The following CNTNAP4 variants were observed in gnomAD, a reference collection of about 807,000 sequenced individuals.
CNTNAP4 encodes contactin-associated protein-like 4.
A neutral mutation model predicts 148.4 loss-of-function variants in CNTNAP4; 98 were observed. The observed-to-expected ratio is 0.66, with a 90% confidence interval of 0.56 to 0.78. The LOEUF (loss-of-function observed/expected upper bound fraction) is 0.78. CNTNAP4 is among the 30% of genes least tolerant of loss of function. The pLI is 0.00. For synonymous variants in CNTNAP4, 730 were observed against 565.1 expected (o/e 1.29, Z -4.14); for missense variants, 1,935 against 1,565.6 (o/e 1.24, Z -3.98).
At position 76,470,482 on chromosome 16, in the gene CNTNAP4, A is replaced by ATATATATATATATATATATATAT. The variant is rs146482811; in HGVS notation, c.1655+2959_1655+2960insTATATATATATATATATATATAT. Among the ~76,000 whole-genome samples the ATATATATATATATATATATATAT allele has an allele frequency of 1.5e-3, 146 of 96,958 alleles. 10 individuals are homozygous for ATATATATATATATATATATATAT. The highest frequency in any genetic ancestry group is 7.2e-3 in the Admixed American group (74 of 10,274). The allele number at this position is 96,958 out of a possible 152,430, so 63.6% of individuals were successfully genotyped here. ...ATAGCAAAACCACGTCTCTACTAAT[A>ATATATATATATATATATATATAT]ATATATATATATATAAAATTAGTCG... On this transcript the variant is annotated intron_variant, in intron 10 of 23. Coordinates refer to ENST00000611870, the MANE Select transcript of CNTNAP4 (RefSeq NM_033401.5).
intron 3 of CNTNAP4, among the ~76,000 whole-genome samples, chr16:76,404,041 T>C (rs2078512225): frequency 6.6e-6 from 1 of 152,008 alleles, no homozygotes; most frequent in African/African-American, 2.4e-5. Flanking sequence ...TGGGGCTTAC[T>C]TGAGAGTGGA....
chr16:76,277,578 CAG>C lies in CNTNAP4; in HGVS notation c.-82_-81del, dbSNP rs1958523076. On this transcript the variant is annotated 5_prime_UTR_variant, in exon 1 of 24. Coordinates refer to ENST00000611870, the MANE Select transcript of CNTNAP4 (RefSeq NM_033401.5). ...GACCTAGAGGGGCTGAAGACCCAGACAGAGCTGGCAGAGCTACTGAGAAGAGG... is the reference window on the plus strand; with the variant it reads ...GACCTAGAGGGGCTGAAGACCCAGACAGCTGGCAGAGCTACTGAGAAGAGG... 7 of 872,672 alleles carry C rather than the reference CAG, an allele frequency of 8.0e-6. No homozygotes were observed. The highest frequency in any genetic ancestry group is 1.3e-5 in the Non-Finnish European group (7 of 536,230). The allele number at this position is 872,672 out of a possible 1,614,324, so 54.1% of individuals were successfully genotyped here. A position where few individuals can be genotyped will look rare whatever the true frequency, so the allele number is the denominator to read the frequency against.
At chr16:76,542,621 A>G (rs1394138226) in intron 21 of CNTNAP4, among the ~76,000 whole-genome samples, 6 of 152,134 alleles carry the variant, frequency 3.9e-5, no homozygotes, top group African/African-American at 9.7e-5. Flanking sequence ...TGGAGCCCCA[A>G]CCTCTGCAAT....
intron 14 of CNTNAP4, 36 bp downstream of exon 14, chr16:76,495,102 T>G: frequency 6.2e-7 from 1 of 1,607,780 alleles, no homozygotes; most frequent in African/African-American, 1.3e-5. Flanking sequence ...CAAGAAAAAG[T>G]TCATTTAAAA....
intron 11 of CNTNAP4, among the ~76,000 whole-genome samples, chr16:76,477,156 A>T (rs1285632566): frequency 6.6e-6 from 1 of 152,174 alleles, no homozygotes; most frequent in Admixed American, 6.6e-5. Flanking sequence ...ACATGTGACA[A>T]CATCTTCTAG....
chr16:76,448,708 CT>C (rs879219060), intron 5 of CNTNAP4, 58 bp from the exon 6 acceptor site: 46,401 of 934,382 alleles, frequency 0.05, 1 homozygote, highest in South Asian at 0.071. Flanking sequence ...AGAAGGGAAC[CT>C]TTTTTTTTTT....
intron 17 of CNTNAP4, among the ~76,000 whole-genome samples, chr16:76,526,645 G>A (rs2083746481): frequency 6.6e-6 from 1 of 151,976 alleles, no homozygotes; most frequent in Non-Finnish European, 1.5e-5. Context: ...TAGTTCTTTG[G>A]TTTTCTCACA....
intron 15 of CNTNAP4, among the ~76,000 whole-genome samples, chr16:76,518,603 GCATGCATAGAATTA>G (rs67889824): frequency 0.63 from 95,137 of 151,612 alleles, 30,231 homozygotes; most frequent in African/African-American, 0.74. Context: ...CATAGAATGT[GCATGCATAGAATTA>G]CATGCATAGA....
intron 2 of CNTNAP4, among the ~76,000 whole-genome samples, chr16:76,345,903 T>G (rs2144397395): frequency 6.6e-6 from 1 of 152,274 alleles, no homozygotes; most frequent in African/African-American, 2.4e-5. Flanking sequence ...GTTAAAGCTG[T>G]CTTCATCACA....
At chr16:76,436,248 A>C (rs1210580031) in intron 4 of CNTNAP4, among the ~76,000 whole-genome samples, 1 of 152,096 alleles carries the variant, frequency 6.6e-6, no homozygotes, top group Non-Finnish European at 1.5e-5. Flanking sequence ...TGATGCCGCT[A>C]CTGGGGATGG....
At chr16:76,294,160 G>C (rs1417954206) in intron 1 of CNTNAP4, among the ~76,000 whole-genome samples, 3 of 152,100 alleles carry the variant, frequency 2.0e-5, no homozygotes, top group Admixed American at 6.6e-5. Flanking sequence ...AGTCAGGGTG[G>C]TGAGGTACGA....
intron 2 of CNTNAP4, among the ~76,000 whole-genome samples, chr16:76,351,824 C>A (rs1287642531): frequency 6.6e-6 from 1 of 152,152 alleles, no homozygotes; most frequent in Non-Finnish European, 1.5e-5. Flanking sequence ...AATTGATGAT[C>A]CGATTTTAAC....
chr16:76,539,625 A>C, intron 19 of CNTNAP4, 94 bp from the exon 20 acceptor site: 1 of 1,049,884 alleles, frequency 9.5e-7, no homozygotes, highest in Non-Finnish European at 1.4e-6. Flanking sequence ...CCTCGAAATG[A>C]ATAAATAGCA....
chr16:76,320,979 G>T (rs2144137936), intron 2 of CNTNAP4, among the ~76,000 whole-genome samples: 1 of 152,312 alleles, frequency 6.6e-6, no homozygotes, highest in African/African-American at 2.4e-5. Context: ...TTCCATAGCT[G>T]ACAAATACTG....
At chr16:76,380,806 C>T (rs1410527429) in intron 3 of CNTNAP4, among the ~76,000 whole-genome samples, 1 of 152,224 alleles carries the variant, frequency 6.6e-6, no homozygotes. Context: ...AGGGTGGAAC[C>T]ACTGCGTGCT....
At chr16:76,343,368 A>G (rs975887931) in intron 2 of CNTNAP4, among the ~76,000 whole-genome samples, 14 of 152,176 alleles carry the variant, frequency 9.2e-5, no homozygotes, top group Non-Finnish European at 1.5e-4. Flanking sequence ...GGAGATAAAC[A>G]GAGCAAAATG....
chr16:76,551,058 T>C (rs2084933323), intron 21 of CNTNAP4, among the ~76,000 whole-genome samples: 1 of 152,162 alleles, frequency 6.6e-6, no homozygotes, highest in Admixed American at 6.6e-5. Context: ...TATCAGGATT[T>C]TTATTATTAC....
In CNTNAP4 at chr16:76,412,910, T is replaced by C. The variant is rs540910571; in HGVS notation, c.391-14542T>C. Among the ~76,000 whole-genome samples, 263 of 151,622 alleles carry C rather than the reference T, an allele frequency of 1.7e-3. 1 individual carries two copies. Among genetic ancestry groups the C allele is most frequent in the African/African-American group, 6.1e-3 (254 of 41,510 alleles). Reference sequence around the variant, plus strand: ...TCCTATAACATTACTGTTTTGCCTTTCACATTTATGTCTACAGTCTTCCTG... The same window carrying C: ...TCCTATAACATTACTGTTTTGCCTTCCACATTTATGTCTACAGTCTTCCTG... On this transcript the variant is annotated intron_variant, in intron 3 of 23. Coordinates refer to ENST00000611870, the MANE Select transcript of CNTNAP4 (RefSeq NM_033401.5).
At chr16:76,324,562 G>A (rs550088381) in intron 2 of CNTNAP4, among the ~76,000 whole-genome samples, 8 of 152,134 alleles carry the variant, frequency 5.3e-5, no homozygotes, top group East Asian at 1.9e-4. Flanking sequence ...TAATCTCTCA[G>A]GAAACTCTGA....
Sources: gnomAD v4.1 joint callset for allele counts (sites outside exome capture counted in the v4.1 genomes callset) on GRCh38, gnomAD v4.1.1 for gene constraint, MANE v1.5 for transcripts, NCBI Gene and HGNC (gene_info 2026-07-23, HGNC 2026-07-21) for gene names.